Variants in CHD6 observed in about 807,000 individuals in gnomAD.
CHD6 encodes the protein chromodomain helicase DNA binding protein 6, also known as ATP-dependent chromatin remodeler CHD6.
Under a neutral mutation model 276.9 loss-of-function variants are expected in CHD6, and 50 were observed. The ratio of observed to expected loss-of-function variants is 0.18; its 90% CI spans 0.14 to 0.23. The LOEUF (loss-of-function observed/expected upper bound fraction) is 0.23. Ranked by LOEUF, CHD6 falls within the 10% of genes least tolerant of loss-of-function variation. CHD6 has a pLI of 1.00. For synonymous variants in CHD6, 1,173 were observed against 1,229.3 expected, an observed-to-expected ratio of 0.95 and a Z score of 0.96; for missense variants, 2,564 against 3,365.8, an observed-to-expected ratio of 0.76 and a Z score of 5.89.
chr20:41,487,858 G>A, intron 13 of CHD6, 50 bp from the exon 14 acceptor site: 2 of 1,567,374 alleles, frequency 1.3e-6, no homozygotes, highest in Non-Finnish European at 8.6e-7. Flanking sequence ...CATCAAAATA[G>A]TGCATTTTCG....
rs1421957490 is a variant in CHD6 at position 41,465,005 on chromosome 20, T to A, written c.2665-7577A>T. Among the ~76,000 whole-genome samples the A allele has an allele frequency of 3.9e-5, 6 of 152,266 alleles. No homozygotes were observed. The East Asian group carries it at 9.6e-4, about 24-fold the overall frequency. Reference sequence around the variant, plus strand: ...CAAAATCCACAAGTCAATACTGATATAAATAAATGGGAGACAAAGGACAAC... The same window carrying A: ...CAAAATCCACAAGTCAATACTGATAAAAATAAATGGGAGACAAAGGACAAC... On this transcript the variant is annotated intron_variant, in intron 17 of 36. Coordinates refer to ENST00000373233, the MANE Select transcript of CHD6 (RefSeq NM_032221.5).
chr20:41,555,246 A>G (rs1345769789), intron 1 of CHD6, among the ~76,000 whole-genome samples: 1 of 113,824 alleles, frequency 8.8e-6, no homozygotes. Context: ...TGACCCCCCC[A>G]CCTCCCTCCT....
At chr20:41,607,772 A>G (rs2045845092) in intron 1 of CHD6, among the ~76,000 whole-genome samples, 2 of 151,872 alleles carry the variant, frequency 1.3e-5, no homozygotes, top group South Asian at 4.2e-4. Context: ...ACAGGAAAAA[A>G]AAAAAAAAAA....
Position 41,404,184 on chromosome 20 carries a change from C to G in CHD6, c.*409G>C. 6.6e-6 allele frequency: 7 copies of G among 1,065,076 alleles called. No individual in the cohort carries two copies. The highest frequency in any genetic ancestry group is 8.0e-6 in the Non-Finnish European group (7 of 879,908). The allele number at this position is 1,065,076 out of a possible 1,614,324, so 66.0% of individuals were successfully genotyped here. A position where few individuals can be genotyped will look rare whatever the true frequency, so the allele number is the denominator to read the frequency against. On this transcript the variant is annotated 3_prime_UTR_variant, in exon 37 of 37. Coordinates refer to ENST00000373233, the MANE Select transcript of CHD6 (RefSeq NM_032221.5). Reference sequence around the variant, plus strand: ...CCCTGTGACATTCTTCCTGTGCAACCCAGCTCACAGAAAAAGAGCTCCTCT... The same window carrying G: ...CCCTGTGACATTCTTCCTGTGCAACGCAGCTCACAGAAAAAGAGCTCCTCT...
intron 24 of CHD6, among the ~76,000 whole-genome samples, chr20:41,447,142 C>T (rs1328182898): frequency 6.6e-6 from 1 of 152,164 alleles, no homozygotes; most frequent in African/African-American, 2.4e-5. Flanking sequence ...CTCTCTCTTA[C>T]TTTAGTGCTC....
At chr20:41,552,201 T>C (rs1337432989) in intron 1 of CHD6, among the ~76,000 whole-genome samples, 1 of 152,240 alleles carries the variant, frequency 6.6e-6, no homozygotes, top group Non-Finnish European at 1.5e-5. Context: ...ACAAGGATTA[T>C]AGAATCTCAG....
At chr20:41,547,167 G>A (rs939784805) in intron 2 of CHD6, among the ~76,000 whole-genome samples, 51 of 152,246 alleles carry the variant, frequency 3.3e-4, no homozygotes, top group African/African-American at 1.2e-3. Context: ...TCAGAATCAT[G>A]GTAAAAGACA....
At chr20:41,524,498 T>G (rs570867619) in intron 3 of CHD6, among the ~76,000 whole-genome samples, 2 of 152,154 alleles carry the variant, frequency 1.3e-5, no homozygotes, top group Non-Finnish European at 2.9e-5. Flanking sequence ...TTTTACCAAG[T>G]AGTCCTATCA....
chr20:41,466,113 A>G (rs1399159417), intron 17 of CHD6, among the ~76,000 whole-genome samples: 3 of 152,154 alleles, frequency 2.0e-5, no homozygotes, highest in Non-Finnish European at 4.4e-5. Context: ...GAGGCAGGAG[A>G]ATTGCTTGAA....
At chr20:41,584,210 CAAAGT>C (rs766996477) in intron 1 of CHD6, among the ~76,000 whole-genome samples, 2 of 152,006 alleles carry the variant, frequency 1.3e-5, no homozygotes, top group Non-Finnish European at 2.9e-5. Flanking sequence ...TAAATTTACA[CAAAGT>C]AGATTTGAAA....
intron 32 of CHD6, 88 bp from the exon 33 acceptor site, chr20:41,416,882 C>A: frequency 8.8e-7 from 1 of 1,134,632 alleles, no homozygotes; most frequent in South Asian, 1.7e-5. Context: ...AGCTTTTCAC[C>A]AGAAGGAGTC....
At chr20:41,517,433 TAAA>T (rs1293210116) in intron 3 of CHD6, among the ~76,000 whole-genome samples, 2 of 152,070 alleles carry the variant, frequency 1.3e-5, no homozygotes, top group Non-Finnish European at 2.9e-5. Flanking sequence ...ACTTAAAAGT[TAAA>T]AAAACAAAAC....
intron 20 of CHD6, among the ~76,000 whole-genome samples, chr20:41,453,636 C>T (rs963393985): frequency 6.6e-6 from 1 of 152,150 alleles, no homozygotes; most frequent in Non-Finnish European, 1.5e-5. Context: ...CTCTGATCAC[C>T]GTGCTTCCCA....
At chr20:41,545,986 A>C (rs1384588492) in intron 2 of CHD6, among the ~76,000 whole-genome samples, 1 of 152,024 alleles carries the variant, frequency 6.6e-6, no homozygotes, top group Non-Finnish European at 1.5e-5. Context: ...TTCCACCACA[A>C]GGTAAAACTC....
At chr20:41,480,501 A>G (rs913467836) in intron 16 of CHD6, among the ~76,000 whole-genome samples, 2 of 152,234 alleles carry the variant, frequency 1.3e-5, no homozygotes. Flanking sequence ...ACATTTTCCT[A>G]AGTCATAATA....
intron 1 of CHD6, among the ~76,000 whole-genome samples, chr20:41,613,857 C>T (rs1002864594): frequency 6.6e-6 from 1 of 151,988 alleles, no homozygotes; most frequent in South Asian, 2.1e-4. Flanking sequence ...TATTTTGGGG[C>T]GTTCACAGAC....
Position 41,491,825 on chromosome 20 carries a change from G to A in CHD6, c.1315-6C>T, listed in dbSNP as rs376692188. The A allele has an allele frequency of 1.8e-4, 284 of 1,613,546 alleles. No individual in the cohort carries two copies. The highest frequency in any genetic ancestry group is 2.1e-4 in the Non-Finnish European group (243 of 1,179,716). ...GAGTCTGAAGCAGGCCGCTCCTAGG[G>A]AGGAAAGCAAACAGCATAATAGATA... is the stretch of plus-strand genomic sequence containing the variant. On this transcript the variant is annotated splice_region_variant and splice_polypyrimidine_tract_variant and intron_variant, in intron 10 of 36. Coordinates refer to ENST00000373233, the MANE Select transcript of CHD6 (RefSeq NM_032221.5).
chr20:41,599,578 A>G (rs1387026843), intron 1 of CHD6, among the ~76,000 whole-genome samples: 1 of 152,124 alleles, frequency 6.6e-6, no homozygotes, highest in Non-Finnish European at 1.5e-5. Flanking sequence ...CCCTACTCGG[A>G]TAAGTTCCTA....
intron 26 of CHD6, among the ~76,000 whole-genome samples, chr20:41,437,909 G>C (rs564721375): frequency 6.6e-6 from 1 of 151,778 alleles, no homozygotes; most frequent in Non-Finnish European, 1.5e-5. Flanking sequence ...CTACAGGCAA[G>C]GACCTTTATT....
Sources: allele counts gnomAD v4.1 joint callset (sites outside exome capture counted in the v4.1 genomes callset), GRCh38; gene constraint gnomAD v4.1.1; transcripts MANE v1.5; gene names NCBI Gene and HGNC (gene_info 2026-07-23, HGNC 2026-07-21).